PARN: variants seen among roughly 807,000 people sequenced by gnomAD.
PARN encodes poly(A)-specific ribonuclease.
In PARN, 71 loss-of-function variants were observed where a neutral mutation model predicts 102.8. The ratio of observed to expected loss-of-function variants is 0.69; its 90% CI spans 0.57 to 0.84. The LOEUF (loss-of-function observed/expected upper bound fraction) is 0.84, where lower values mean the gene tolerates loss of function less well. PARN is among the 40% of genes least tolerant of loss of function. The pLI is 0.00. For synonymous variants in PARN, 261 were observed against 252.9 expected, an observed-to-expected ratio of 1.03 and a Z score of -0.30; for missense variants, 782 against 760.9, an observed-to-expected ratio of 1.03 and a Z score of -0.33.
intron 22 of PARN, among the ~76,000 whole-genome samples, chr16:14,465,536 T>C (rs1301302110): frequency 2.0e-5 from 3 of 152,226 alleles, no homozygotes; most frequent in Non-Finnish European, 4.4e-5. Context: ...GTAAGATTCT[T>C]ATGCTATATG....
intron 21 of PARN, among the ~76,000 whole-genome samples, chr16:14,527,946 T>G (rs1156853638): frequency 6.6e-6 from 1 of 152,190 alleles, no homozygotes; most frequent in Non-Finnish European, 1.5e-5. Context: ...TGGAAGCACA[T>G]GTTGGGCAAT....
At chr16:14,529,239 A>G (rs1017476307) in intron 21 of PARN, among the ~76,000 whole-genome samples, 2 of 152,224 alleles carry the variant, frequency 1.3e-5, no homozygotes, top group African/African-American at 4.8e-5. Context: ...ATTACTTAGC[A>G]TGAATAAGCA....
At chr16:14,448,611 T>C (rs1198908558) in intron 22 of PARN, among the ~76,000 whole-genome samples, 1 of 152,212 alleles carries the variant, frequency 6.6e-6, no homozygotes, top group Non-Finnish European at 1.5e-5. Context: ...TTTAAAATGT[T>C]CCACATAAAA....
intron 7 of PARN, among the ~76,000 whole-genome samples, chr16:14,609,563 CCT>C (rs1163646346): frequency 6.6e-6 from 1 of 151,910 alleles, no homozygotes. Flanking sequence ...AGAACGAGAC[CCT>C]GTCTCAAAAA....
In PARN at chr16:14,582,349, T is replaced by C; in HGVS notation, c.1082-58A>G. 3 of 1,111,566 alleles carry C rather than the reference T, an allele frequency of 2.7e-6. No homozygotes were observed. In the South Asian group the frequency reaches 3.7e-5, roughly 14 times the overall value. 68.9% of individuals were successfully genotyped at this position (1,111,566 alleles called of 1,614,324 possible). On this transcript the variant is annotated intron_variant, in intron 16 of 23. Transcript: ENST00000437198. ...ACAAAGACTAGTAAGCACATTGCCC[T>C]ACCAATCAAAATTGCATTAGCATAT...
intron 23 of PARN, among the ~76,000 whole-genome samples, chr16:14,441,423 A>T (rs989385579): frequency 6.6e-6 from 1 of 152,250 alleles, no homozygotes; most frequent in Admixed American, 6.5e-5. Flanking sequence ...GTGAATCCCA[A>T]ACGGATTCTA....
chr16:14,575,867 G>A (rs977496070), intron 18 of PARN, among the ~76,000 whole-genome samples: 1 of 152,156 alleles, frequency 6.6e-6, no homozygotes, highest in Non-Finnish European at 1.5e-5. Flanking sequence ...GAGGAACCCG[G>A]TGGGAGGTGA....
In PARN at chr16:14,606,533, A is replaced by G; in HGVS notation, c.660-7T>C. 1 of 1,541,770 alleles carries G rather than the reference A, an allele frequency of 6.5e-7. No homozygotes were observed. Among genetic ancestry groups the G allele is most frequent in the Non-Finnish European group, 8.9e-7 (1 of 1,125,302 alleles). On this transcript the variant is annotated splice_polypyrimidine_tract_variant and splice_region_variant and intron_variant, in intron 9 of 23. Coordinates refer to ENST00000437198, the MANE Select transcript of PARN (RefSeq NM_002582.4). Reference sequence around the variant, plus strand: ...ATGAATGCCTTTCGGATACCTAAAGAAAAGAAAAACATAGTATCAGTAGAT... The same window carrying G: ...ATGAATGCCTTTCGGATACCTAAAGGAAAGAAAAACATAGTATCAGTAGAT...
At chr16:14,496,781 T>C (rs1964338478) in intron 21 of PARN, among the ~76,000 whole-genome samples, 1 of 152,224 alleles carries the variant, frequency 6.6e-6, no homozygotes, top group Non-Finnish European at 1.5e-5. Flanking sequence ...TACAAACAGA[T>C]ACCAATCATG....
intron 18 of PARN, among the ~76,000 whole-genome samples, chr16:14,567,610 G>C (rs1449344175): frequency 6.6e-6 from 1 of 152,156 alleles, no homozygotes; most frequent in Non-Finnish European, 1.5e-5. Flanking sequence ...CCAAGTTCTT[G>C]GGAAAGCCAG....
Position 14,599,874 on chromosome 16 carries a change from C to A in PARN, c.840+30G>T, listed in dbSNP as rs758349111. On this transcript the variant is annotated intron_variant, in intron 12 of 23. Coordinates refer to ENST00000437198, the MANE Select transcript of PARN (RefSeq NM_002582.4). Reference sequence around the variant, plus strand: ...ACTTCACCTGAAATAGTATGTTCTGCAATCTTGCTAAAAAGTCTGGCTCAC... The same window carrying A: ...ACTTCACCTGAAATAGTATGTTCTGAAATCTTGCTAAAAAGTCTGGCTCAC... 4.2e-6 allele frequency: 6 copies of A among 1,428,830 alleles called. No individual in the cohort carries two copies. The Admixed American group carries it at 1.1e-4, about 26-fold the overall frequency. The allele number at this position is 1,428,830 out of a possible 1,614,324, so 88.5% of individuals were successfully genotyped here.
chr16:14,491,729 AC>A (rs1964067350), intron 21 of PARN, among the ~76,000 whole-genome samples: 1 of 152,206 alleles, frequency 6.6e-6, no homozygotes, highest in South Asian at 2.1e-4. Context: ...CCAAGACTGC[AC>A]CACTATATTC....
At chr16:14,625,897 AT>A (rs969192478) in intron 5 of PARN, among the ~76,000 whole-genome samples, 1 of 152,252 alleles carries the variant, frequency 6.6e-6, no homozygotes, top group African/African-American at 2.4e-5. Flanking sequence ...ATTAAGACTT[AT>A]CTTTAATCAC....
chr16:14,488,913 A>G (rs987765115), intron 21 of PARN, among the ~76,000 whole-genome samples: 1 of 152,162 alleles, frequency 6.6e-6, no homozygotes, highest in Non-Finnish European at 1.5e-5. Context: ...AAGAAAGAGA[A>G]AGAGGGCTCC....
intron 21 of PARN, among the ~76,000 whole-genome samples, chr16:14,543,014 G>A (rs1352083855): frequency 2.0e-5 from 3 of 152,108 alleles, no homozygotes; most frequent in Non-Finnish European, 4.4e-5. Flanking sequence ...AGAAAGCTAC[G>A]CCTACGTGCA....
chr16:14,525,521 G>A (rs551012984), intron 21 of PARN, among the ~76,000 whole-genome samples: 1 of 152,284 alleles, frequency 6.6e-6, no homozygotes, highest in Admixed American at 6.5e-5. Flanking sequence ...GCTTCCAGGA[G>A]ATGAGGGAAG....
chr16:14,582,079 C>A, intron 17 of PARN, 102 bp downstream of exon 17: 1 of 791,118 alleles, frequency 1.3e-6, no homozygotes. Flanking sequence ...GTTGTTTAAG[C>A]CCCACACTCG....
In PARN at chr16:14,584,405, T is replaced by G; in HGVS notation, c.1023A>C (p.Thr341=). 6.2e-7 allele frequency: 1 copy of G among 1,613,118 alleles called. No individual in the cohort carries two copies. Among genetic ancestry groups the G allele is most frequent in the Non-Finnish European group, 8.5e-7 (1 of 1,179,268 alleles). ...ACCGCTTTTCCAATTCCGCAAGGGATGTGTTGTTAATGATATCCTGCAAAC... is the reference window on the plus strand; with the variant it reads ...ACCGCTTTTCCAATTCCGCAAGGGAGGTGTTGTTAATGATATCCTGCAAAC... ...TQPFKDIINN[T]SLAELEKRLK... is the part of the protein sequence containing the mutation. Residue 341 remains threonine, a synonymous_variant, in exon 16 of 24, where the codon ACA becomes ACC. Transcript: ENST00000437198.
chr16:14,595,375 T>C (rs2151770747), intron 12 of PARN, among the ~76,000 whole-genome samples: 1 of 152,136 alleles, frequency 6.6e-6, no homozygotes, highest in East Asian at 1.9e-4. Context: ...CACACACTTA[T>C]TTATTTAGAG....
Sources: allele counts gnomAD v4.1 joint callset (sites outside exome capture counted in the v4.1 genomes callset), GRCh38; gene constraint gnomAD v4.1.1; transcripts MANE v1.5; gene names NCBI Gene and HGNC (gene_info 2026-07-23, HGNC 2026-07-21).